Variants in KBTBD12 observed in about 807,000 individuals in gnomAD.
KBTBD12 encodes kelch repeat and BTB domain-containing protein 12.
KBTBD12 carries 53 observed loss-of-function variants against 58.7 expected under a neutral mutation model. The ratio of observed to expected loss-of-function variants is 0.90; its 90% CI spans 0.72 to 1.14. The LOEUF is 1.14. Ranked by LOEUF, KBTBD12 falls within the 50% of genes most tolerant of loss-of-function variation. KBTBD12 has a pLI of 0.00. For synonymous variants in KBTBD12, 236 were observed against 259.8 expected (o/e 0.91, Z 0.88); for missense variants, 704 against 751.3 (o/e 0.94, Z 0.74).
intron 4 of KBTBD12, among the ~76,000 whole-genome samples, chr3:127,945,378 G>C (rs1287166715): frequency 6.6e-6 from 1 of 150,784 alleles, no homozygotes; most frequent in Non-Finnish European, 1.5e-5. Flanking sequence ...TAGAGACAGG[G>C]TTTCACCCTG....
chr3:127,938,391 G>A (rs1003332739), intron 4 of KBTBD12, among the ~76,000 whole-genome samples: 2 of 152,106 alleles, frequency 1.3e-5, no homozygotes, highest in Non-Finnish European at 2.9e-5. Flanking sequence ...CAGACATTAA[G>A]TATGCATGCG....
chr3:127,937,243 TCAGA>T (rs1317878702), intron 4 of KBTBD12, among the ~76,000 whole-genome samples: 6 of 152,010 alleles, frequency 3.9e-5, no homozygotes, highest in Admixed American at 2.0e-4. Flanking sequence ...ACTGGAAGTG[TCAGA>T]CAAATAGTGT....
intron 4 of KBTBD12, among the ~76,000 whole-genome samples, chr3:127,962,755 C>T (rs181152962): frequency 2.2e-4 from 33 of 152,322 alleles, no homozygotes; most frequent in Admixed American, 2.1e-3. Context: ...GAGAAACCAG[C>T]TTGCAATGAT....
At chr3:127,918,917 G>C (rs1177703829) in intron 1 of KBTBD12, among the ~76,000 whole-genome samples, 1 of 152,076 alleles carries the variant, frequency 6.6e-6, no homozygotes, top group Non-Finnish European at 1.5e-5. Context: ...TGTAATGTGG[G>C]GTAATAACTT....
rs72983940 is a variant in KBTBD12, at chr3:127,982,991, G to A, written c.1691-1106G>A. On this transcript the variant is annotated intron_variant, in intron 5 of 5. Coordinates refer to ENST00000405109, the MANE Select transcript of KBTBD12 (RefSeq NM_207335.4). ...TCCCTATCCCAAACACAAGCTCAGA[G>A]GGCAGCGCTAGCCCAGGGCCACATG... Among the ~76,000 whole-genome samples, 825 of 152,334 alleles carry A rather than the reference G, an allele frequency of 5.4e-3. 7 individuals carry two copies. Among genetic ancestry groups the A allele is most frequent in the African/African-American group, 0.018 (740 of 41,578 alleles).
chr3:127,980,726 T>C (rs990030385), intron 5 of KBTBD12, among the ~76,000 whole-genome samples: 5 of 152,198 alleles, frequency 3.3e-5, no homozygotes, highest in Admixed American at 6.5e-5. Context: ...ATTGGGTTAT[T>C]TTAAATAAAT....
intron 5 of KBTBD12, among the ~76,000 whole-genome samples, chr3:127,981,512 T>C (rs1259225525): frequency 2.0e-5 from 3 of 152,236 alleles, no homozygotes; most frequent in Non-Finnish European, 4.4e-5. Flanking sequence ...TGGGTGCAAG[T>C]ATATCTGGGG....
In KBTBD12 at chr3:127,945,164, C is replaced by CTTTTTTTTTTTTTTTTTTT. The variant is rs56216317; in HGVS notation, c.1492+14901_1492+14919dup. Among the ~76,000 whole-genome samples the CTTTTTTTTTTTTTTTTTTT allele has an allele frequency of 2.8e-4, 8 of 28,772 alleles. 3 individuals carry two copies. Among genetic ancestry groups the CTTTTTTTTTTTTTTTTTTT allele is most frequent in the Non-Finnish European group, 5.5e-4 (8 of 14,564 alleles). The allele number at this position is 28,772 out of a possible 152,430, so 18.9% of individuals were successfully genotyped here. On this transcript the variant is annotated intron_variant, in intron 4 of 5. Coordinates refer to ENST00000405109, the MANE Select transcript of KBTBD12 (RefSeq NM_207335.4). Reference sequence around the variant, plus strand: ...TGTTTTTTTTAAAAATAGTAGCTATCTTTTTTTTTTTTTTTTTTTTTTTTT... The same window carrying CTTTTTTTTTTTTTTTTTTT: ...TGTTTTTTTTAAAAATAGTAGCTATCTTTTTTTTTTTTTTTTTTTTTTTTTTTTTTTTTTTTTTTTTTTT...
intron 5 of KBTBD12, among the ~76,000 whole-genome samples, chr3:127,980,409 A>C (rs990616802): frequency 2.5e-4 from 38 of 152,264 alleles, no homozygotes; most frequent in African/African-American, 8.7e-4. Context: ...AGCTCATTGC[A>C]ACCTCTACCT....
intron 4 of KBTBD12, among the ~76,000 whole-genome samples, chr3:127,949,890 G>A (rs936869796): frequency 6.6e-6 from 1 of 152,182 alleles, no homozygotes; most frequent in Non-Finnish European, 1.5e-5. Flanking sequence ...AGGGGAAGGA[G>A]CTGGAAATCA....
At chr3:127,917,306 T>C (rs1939273104) in intron 1 of KBTBD12, among the ~76,000 whole-genome samples, 1 of 152,276 alleles carries the variant, frequency 6.6e-6, no homozygotes, top group South Asian at 2.1e-4. Context: ...GAAGAACGCT[T>C]AAGTTTTCCG....
chr3:127,938,088 G>A (rs1250715558), intron 4 of KBTBD12, among the ~76,000 whole-genome samples: 26 of 152,058 alleles, frequency 1.7e-4, no homozygotes, highest in Admixed American at 1.7e-3. Context: ...CCAGATTGAA[G>A]ATCTAAAATG....
Position 127,930,207 on chromosome 3 carries a change from G to A in KBTBD12, c.1416G>A (p.Trp472Ter), listed in dbSNP as rs1441776352. 1.2e-6 allele frequency: 2 copies of A among 1,608,552 alleles called. No individual in the cohort carries two copies. Among genetic ancestry groups the A allele is most frequent in the Non-Finnish European group, 1.7e-6 (2 of 1,177,322 alleles). The change falls in exon 4 of 6, where the codon TGG becomes TGA. Residue 472 changes from tryptophan to a stop codon, truncating the protein, a stop_gained. Coordinates refer to ENST00000405109, the MANE Select transcript of KBTBD12 (RefSeq NM_207335.4). LOFTEE classifies it high-confidence loss of function. ...AGTATGACCCCAGCCAAGATCAATG[G>A]AGTGTGCGGGCACCCATGAAGTACT... ...LLQYDPSQDQ[W>*]SVRAPMKYSK...
At chr3:127,978,700 C>G (rs1364096525) in intron 5 of KBTBD12, among the ~76,000 whole-genome samples, 2 of 152,148 alleles carry the variant, frequency 1.3e-5, no homozygotes, top group Admixed American at 1.3e-4. Flanking sequence ...CTGGGCTGGC[C>G]CCCTTTTCTC....
chr3:127,935,916 G>A (rs771395895), intron 4 of KBTBD12, among the ~76,000 whole-genome samples: 18 of 152,076 alleles, frequency 1.2e-4, no homozygotes, highest in Non-Finnish European at 2.5e-4. Context: ...ATTAAGAGAG[G>A]TGCAGTGACT....
chr3:127,951,268 G>C (rs970773674), intron 4 of KBTBD12, among the ~76,000 whole-genome samples: 2 of 152,212 alleles, frequency 1.3e-5, no homozygotes, highest in African/African-American at 4.8e-5. Flanking sequence ...TGTAGGAATG[G>C]TTATTTGGTC....
In KBTBD12 at chr3:127,923,259, A is replaced by G. The variant is rs1299553642; in HGVS notation, c.198A>G (p.Glu66=). The change falls in exon 2 of 6, where the codon GAA becomes GAG. Residue 66 remains glutamate (E), a synonymous_variant. Transcript: ENST00000405109. ...CTATGTTCACCTGTGGACTACTTGAATGTAATCAAAGGGAAGTCATACTTT... is the reference window on the plus strand; with the variant it reads ...CTATGTTCACCTGTGGACTACTTGAGTGTAATCAAAGGGAAGTCATACTTT... ...FKAMFTCGLL[E]CNQREVILYD... is the part of the protein sequence containing the mutation. The G allele has an allele frequency of 1.9e-6, 3 of 1,613,872 alleles. No individual in the cohort carries two copies. The South Asian group carries it at 3.3e-5, about 18-fold the overall frequency.
intron 2 of KBTBD12, among the ~76,000 whole-genome samples, chr3:127,924,679 A>G (rs1432045452): frequency 2.0e-5 from 3 of 152,116 alleles, no homozygotes; most frequent in Non-Finnish European, 4.4e-5. Flanking sequence ...TTAACCATAA[A>G]TTACTAATAA....
chr3:127,962,480 C>A (rs993429644), intron 4 of KBTBD12, among the ~76,000 whole-genome samples: 2 of 152,182 alleles, frequency 1.3e-5, no homozygotes, highest in African/African-American at 4.8e-5. Context: ...ATGTCCTCTA[C>A]TTTATTTATT....
Sources: gnomAD v4.1 joint callset for allele counts (sites outside exome capture counted in the v4.1 genomes callset) on GRCh38, gnomAD v4.1.1 for gene constraint, MANE v1.5 for transcripts, NCBI Gene and HGNC (gene_info 2026-07-23, HGNC 2026-07-21) for gene names.